The following RBFOX1 variants were observed in gnomAD, a reference collection of about 807,000 sequenced individuals.
RBFOX1 encodes RNA binding protein fox-1 homolog 1.
In RBFOX1, 8 loss-of-function variants were observed where a neutral mutation model predicts 57.7. That is an observed-to-expected ratio of 0.14 (90% CI 0.08 to 0.25). The LOEUF is 0.25. Among genes scored for constraint, RBFOX1 ranks in the 10% least tolerant of loss-of-function variants. RBFOX1 has a pLI of 1.00. For synonymous variants in RBFOX1, 326 were observed against 222.4 expected, an observed-to-expected ratio of 1.47 and a Z score of -4.15; for missense variants, 611 against 548.5, an observed-to-expected ratio of 1.11 and a Z score of -1.14.
intron 3 of RBFOX1, among the ~76,000 whole-genome samples, chr16:6,854,587 AT>A (rs71147611): frequency 0.23 from 15,999 of 69,924 alleles, 645 homozygotes; most frequent in South Asian, 0.29. Context: ...GGAGAGGTGA[AT>A]TTTTTTTTTT....
At chr16:5,697,473 A>G (rs898033353) in intron 3 of RBFOX1, among the ~76,000 whole-genome samples, 5 of 150,970 alleles carry the variant, frequency 3.3e-5, no homozygotes, top group African/African-American at 1.2e-4. Flanking sequence ...CACGAGCTAG[A>G]GGACCAAGAG....
At chr16:5,252,295 C>T (rs2062472333) in intron 1 of RBFOX1, among the ~76,000 whole-genome samples, 1 of 152,182 alleles carries the variant, frequency 6.6e-6, no homozygotes, top group African/African-American at 2.4e-5. Context: ...CCAGGAGGTC[C>T]AGTTAAACCT....
At chr16:6,985,110 C>CCCCTACCCTACCCTA (rs528617006) in intron 3 of RBFOX1, among the ~76,000 whole-genome samples, 3 of 151,996 alleles carry the variant, frequency 2.0e-5, no homozygotes, top group African/African-American at 7.2e-5. Context: ...CTCCTTCCTT[C>CCCCTACCCTACCCTA]CCCTACCCTA....
chr16:7,474,382 C>A (rs1328408293), intron 4 of RBFOX1, among the ~76,000 whole-genome samples: 1 of 152,126 alleles, frequency 6.6e-6, no homozygotes, highest in Admixed American at 6.5e-5. Context: ...TTTTTGTGTT[C>A]CCCAGTGCAC....
At chr16:5,491,247 C>A (rs1407334686) in intron 2 of RBFOX1, among the ~76,000 whole-genome samples, 1 of 152,142 alleles carries the variant, frequency 6.6e-6, no homozygotes, top group Non-Finnish European at 1.5e-5. Context: ...GACGCCAGCA[C>A]CCACTTGAAG....
intron 3 of RBFOX1, among the ~76,000 whole-genome samples, chr16:6,821,610 G>C (rs986702272): frequency 6.6e-6 from 1 of 152,144 alleles, no homozygotes; most frequent in Non-Finnish European, 1.5e-5. Context: ...GGATGTGTCC[G>C]TTTATGATAT....
intron 11 of RBFOX1, 47 bp downstream of exon 11, chr16:7,630,730 G>C (rs753060487): frequency 6.2e-7 from 1 of 1,610,802 alleles, no homozygotes; most frequent in African/African-American, 1.3e-5. Flanking sequence ...ATAAATCTGA[G>C]TCCAATCACC....
At chr16:7,709,950 C>G (rs1326459161) in intron 15 of RBFOX1, 1 of 1,016,172 alleles carries the variant, frequency 9.8e-7, no homozygotes, top group Non-Finnish European at 1.2e-6. Flanking sequence ...AAATGAATCC[C>G]CATAGGCATT....
At chr16:6,175,572 C>G (rs1357064242) in intron 1 of RBFOX1, among the ~76,000 whole-genome samples, 1 of 152,084 alleles carries the variant, frequency 6.6e-6, no homozygotes, top group Non-Finnish European at 1.5e-5. Context: ...GTGCATAGCA[C>G]CTAGTAATAG....
chr16:5,411,046 T>C (rs867322004), intron 1 of RBFOX1, among the ~76,000 whole-genome samples: 6 of 152,222 alleles, frequency 3.9e-5, no homozygotes, highest in Admixed American at 2.0e-4. Flanking sequence ...GTTGTTATCC[T>C]CCTCCATAGT....
chr16:7,659,952 A>T (rs757390799), intron 12 of RBFOX1, among the ~76,000 whole-genome samples: 2 of 152,166 alleles, frequency 1.3e-5, no homozygotes, highest in African/African-American at 4.8e-5. Flanking sequence ...TTCTATACAC[A>T]TGCCAGCTAG....
chr16:7,302,351 C>G (rs2096055125), intron 4 of RBFOX1, among the ~76,000 whole-genome samples: 1 of 152,100 alleles, frequency 6.6e-6, no homozygotes, highest in Admixed American at 6.5e-5. Flanking sequence ...TTTTGATTAG[C>G]CTGCAAAGTG....
intron 1 of RBFOX1, among the ~76,000 whole-genome samples, chr16:6,071,617 C>G (rs918575177): frequency 6.6e-6 from 1 of 152,142 alleles, no homozygotes; most frequent in African/African-American, 2.4e-5. Flanking sequence ...ACTTAAAAAT[C>G]GATTAACACA....
At chr16:5,929,430 G>A (rs978887047) in intron 4 of RBFOX1, among the ~76,000 whole-genome samples, 10 of 152,174 alleles carry the variant, frequency 6.6e-5, no homozygotes, top group East Asian at 1.9e-4. Flanking sequence ...GCTATGTGAC[G>A]TTGAGCAATC....
chr16:7,542,937 A>G (rs907944064), intron 5 of RBFOX1, among the ~76,000 whole-genome samples: 2 of 152,082 alleles, frequency 1.3e-5, no homozygotes, highest in Non-Finnish European at 2.9e-5. Flanking sequence ...CACACATACA[A>G]ACAAGAAAGG....
chr16:6,067,828 C>G (rs1281095003), intron 1 of RBFOX1, among the ~76,000 whole-genome samples: 1 of 152,158 alleles, frequency 6.6e-6, no homozygotes. Context: ...TTTAATTATA[C>G]CAGCCCACTG....
At chr16:5,845,306 T>C (rs2056727279) in intron 3 of RBFOX1, among the ~76,000 whole-genome samples, 1 of 152,196 alleles carries the variant, frequency 6.6e-6, no homozygotes, top group Non-Finnish European at 1.5e-5. Flanking sequence ...TTCCTCCTTC[T>C]TCTGGACCAA....
intron 1 of RBFOX1, among the ~76,000 whole-genome samples, chr16:5,406,400 T>C (rs2066868422): frequency 6.6e-6 from 1 of 152,182 alleles, no homozygotes; most frequent in Non-Finnish European, 1.5e-5. Flanking sequence ...AATCTTCTTA[T>C]GCCTTCAGTG....
At chr16:7,520,130 C>T (rs900445802) in intron 5 of RBFOX1, among the ~76,000 whole-genome samples, 6 of 149,692 alleles carry the variant, frequency 4.0e-5, no homozygotes, top group Non-Finnish European at 7.5e-5. Flanking sequence ...CGCGATCTGC[C>T]TGTCTCGGCC....
Sources: gnomAD v4.1 joint callset for allele counts (sites outside exome capture counted in the v4.1 genomes callset) on GRCh38, gnomAD v4.1.1 for gene constraint, MANE v1.5 for transcripts, NCBI Gene and HGNC (gene_info 2026-07-23, HGNC 2026-07-21) for gene names.